KLF8: variants seen among roughly 807,000 people sequenced by gnomAD.
The protein encoded by KLF8 is Krueppel-like factor 8.
In KLF8, 10 loss-of-function variants were observed where a neutral mutation model predicts 18.2. The observed-to-expected ratio is 0.55, with a 90% CI of 0.34 to 0.93. KLF8 has a LOEUF of 0.93. Among genes scored for constraint, KLF8 ranks in the 40% least tolerant of loss-of-function variants. The probability of loss-of-function intolerance (pLI) is 0.02; values close to 1 mark genes in which losing one functional copy is unlikely to be tolerated. For synonymous variants in KLF8, 109 were observed against 97.3 expected, an observed-to-expected ratio of 1.12 and a Z score of -0.71; for missense variants, 264 against 277.9, an observed-to-expected ratio of 0.95 and a Z score of 0.36.
At chrX:56,076,478 T>C in the KLF8 span, among the ~76,000 whole-genome samples, 49 of 111,229 alleles carry the variant, frequency 4.4e-4, no homozygotes, top group Non-Finnish European at 7.7e-4. Context: ...ACTCATCATT[T>C]TTTATGACTG....
chrX:56,245,993 C>G lies in KLF8; in HGVS notation c.8-4238C>G, dbSNP rs886845558. Reference sequence around the variant, plus strand: ...TTTAAAAAAGGAGGTTATATACCTTCCCAGTATCTTTCCTTATAGTCATTC... The same window carrying G: ...TTTAAAAAAGGAGGTTATATACCTTGCCAGTATCTTTCCTTATAGTCATTC... On this transcript the variant is annotated intron_variant, in intron 1 of 5. Coordinates refer to ENST00000468660, the MANE Select transcript of KLF8 (RefSeq NM_007250.5). 5.4e-5 allele frequency among the ~76,000 whole-genome samples: 6 copies of G among 112,033 alleles called. No individual in the cohort carries two copies. In the Admixed American group the frequency reaches 5.7e-4, roughly 11 times the overall value.
chrX:56,051,733 G>A, the KLF8 span, among the ~76,000 whole-genome samples: 2 of 107,839 alleles, frequency 1.9e-5, no homozygotes, highest in African/African-American at 3.6e-5. Flanking sequence ...TGGTGAATCT[G>A]ACAATTATGT....
the KLF8 span, among the ~76,000 whole-genome samples, chrX:55,931,518 A>G: frequency 5.1e-4 from 57 of 111,809 alleles, no homozygotes; most frequent in African/African-American, 1.6e-3. Context: ...AGTGCTATAA[A>G]TTTCCATCTA....
the KLF8 span, among the ~76,000 whole-genome samples, chrX:56,109,241 A>G: frequency 9.0e-6 from 1 of 110,562 alleles, no homozygotes; most frequent in Non-Finnish European, 1.9e-5. Context: ...CAAAGAAATC[A>G]ACAATTCACC....
chrX:56,058,247 C>CGT, the KLF8 span, among the ~76,000 whole-genome samples: 2,215 of 46,351 alleles, frequency 0.048, 66 homozygotes, highest in Middle Eastern at 0.15. Context: ...CATATATATA[C>CGT]GTATATATAC....
the KLF8 span, among the ~76,000 whole-genome samples, chrX:56,163,592 T>G: frequency 8.9e-6 from 1 of 112,231 alleles, no homozygotes; most frequent in South Asian, 3.7e-4. Context: ...GGTCTTTAGT[T>G]TAATGAGATT....
At chrX:56,034,778 T>A in the KLF8 span, among the ~76,000 whole-genome samples, 1 of 74,452 alleles carries the variant, frequency 1.3e-5, no homozygotes. Flanking sequence ...TTTTTTGAGA[T>A]GGAGTCTCGC....
the KLF8 span, among the ~76,000 whole-genome samples, chrX:56,059,739 CT>C: frequency 9.0e-6 from 1 of 111,545 alleles, no homozygotes; most frequent in Non-Finnish European, 1.9e-5. Flanking sequence ...CAGTACCGTG[CT>C]GTTTTGTTTA....
At chrX:55,924,101 G>A in the KLF8 span, among the ~76,000 whole-genome samples, 6 of 110,864 alleles carry the variant, frequency 5.4e-5, no homozygotes, top group Non-Finnish European at 1.1e-4. Flanking sequence ...GACGAGTCTC[G>A]CTCTGTCGCC....
At chrX:56,063,386 C>T in the KLF8 span, among the ~76,000 whole-genome samples, 1 of 111,907 alleles carries the variant, frequency 8.9e-6, no homozygotes, top group East Asian at 2.8e-4. Flanking sequence ...TGATGCTATT[C>T]CTTTCTGTTG....
At chrX:55,941,251 C>G in the KLF8 span, among the ~76,000 whole-genome samples, 1 of 111,902 alleles carries the variant, frequency 8.9e-6, no homozygotes, top group Non-Finnish European at 1.9e-5. Flanking sequence ...ACAAACCTGA[C>G]AAAAACAAGT....
At chrX:56,106,214 G>C in the KLF8 span, among the ~76,000 whole-genome samples, 1 of 111,183 alleles carries the variant, frequency 9.0e-6, no homozygotes, top group African/African-American at 3.3e-5. Flanking sequence ...TCTTCTCAAG[G>C]AGTATCTTTG....
At chrX:56,140,262 A>T in the KLF8 span, among the ~76,000 whole-genome samples, 1 of 111,990 alleles carries the variant, frequency 8.9e-6, no homozygotes, top group African/African-American at 3.2e-5. Context: ...ATGGGTATAT[A>T]CCCAAAGGAA....
chrX:56,217,234 G>T, the KLF8 span, among the ~76,000 whole-genome samples: 1 of 110,921 alleles, frequency 9.0e-6, no homozygotes, highest in Non-Finnish European at 1.9e-5. Flanking sequence ...GCCACATCTT[G>T]GTAATGCTTC....
chrX:56,066,823 A>G, the KLF8 span, among the ~76,000 whole-genome samples: 2 of 110,847 alleles, frequency 1.8e-5, no homozygotes, highest in Admixed American at 1.9e-4. Flanking sequence ...GGTGTTTGGG[A>G]CACAGAGTGA....
chrX:56,122,263 G>T, the KLF8 span, among the ~76,000 whole-genome samples: 1 of 111,591 alleles, frequency 9.0e-6, no homozygotes, highest in Non-Finnish European at 1.9e-5. Context: ...ACATGCCAAA[G>T]TGAAAAAGTT....
intron 5 of KLF8, among the ~76,000 whole-genome samples, chrX:56,281,071 A>G (rs1335462297): frequency 3.6e-5 from 4 of 112,062 alleles, no homozygotes; most frequent in East Asian, 2.8e-4. Context: ...TCTATTGTCA[A>G]TGCATCCCCA....
chrX:56,250,827 G>A (rs1277048334), intron 2 of KLF8, among the ~76,000 whole-genome samples: 1 of 111,582 alleles, frequency 9.0e-6, no homozygotes, highest in African/African-American at 3.3e-5. Flanking sequence ...GGGTAGGCCG[G>A]CAGGCTGGAG....
chrX:56,275,596 C>T (rs1184341213), intron 5 of KLF8, among the ~76,000 whole-genome samples: 1 of 111,755 alleles, frequency 8.9e-6, no homozygotes, highest in Non-Finnish European at 1.9e-5. Flanking sequence ...GAAAGTATTT[C>T]AGTTTTTCCC....
Sources: gnomAD v4.1 joint callset for allele counts (sites outside exome capture counted in the v4.1 genomes callset) on GRCh38, gnomAD v4.1.1 for gene constraint, MANE v1.5 for transcripts, NCBI Gene and HGNC (gene_info 2026-07-23, HGNC 2026-07-21) for gene names.